MCAM: variants seen among roughly 807,000 people sequenced by gnomAD.
The protein encoded by MCAM is cell surface glycoprotein MUC18.
MCAM carries 55 observed loss-of-function variants against 79.1 expected under a neutral mutation model. The observed-to-expected ratio is 0.70, with a 90% CI of 0.56 to 0.87. The LOEUF is 0.87. Ranked by LOEUF, MCAM falls within the 40% of genes least tolerant of loss-of-function variation. The probability of loss-of-function intolerance (pLI) is 0.00; values close to 1 mark genes in which losing one functional copy is unlikely to be tolerated. For synonymous variants in MCAM, 330 were observed against 339.8 expected (o/e 0.97, Z 0.32); for missense variants, 745 against 839.8 (o/e 0.89, Z 1.40).
rs749525108 is a variant in MCAM, at chr11:119,311,618, A to G, written c.1319T>C (p.Val440Ala). 1.9e-6 allele frequency: 3 copies of G among 1,613,950 alleles called. No homozygotes were observed. The highest frequency in any genetic ancestry group is 2.5e-6 in the Non-Finnish European group (3 of 1,179,974). Residue 440 changes from valine (V) to alanine (A), a missense_variant, in exon 11 of 16, where the codon GTG (valine) becomes GCG (alanine). Val to Ala is a moderately conservative substitution (Grantham distance 64). Coordinates refer to ENST00000264036, the MANE Select transcript of MCAM (RefSeq NM_006500.3). This position sits in a 1 kb window ranked among gnomAD's most constrained non-coding sequence, Gnocchi z 4.4. ...PPWMAFKERKVWVKENMVLNL... is the reference protein window; with the variant it reads ...PPWMAFKERKAWVKENMVLNL... ...CAACACCATATTCTCTTTCACCCAC[A>G]CCTTCCTCTCCTTGAATGCCATCCA...
At chr11:119,313,395 A>AT in intron 5 of MCAM, 2 of 1,089,116 alleles carry the variant, frequency 1.8e-6, no homozygotes, top group Non-Finnish European at 2.3e-6. Flanking sequence ...CACTACTGAT[A>AT]ATTTTTTTTT....
In MCAM at chr11:119,312,384, G is replaced by T; in HGVS notation, c.906C>A (p.Asn302Lys). ...GGGCAGGCTCCAGCACCAGGACCCC[G>T]TTGTCGTTGGTTGTCTCTTCCTCTG... ...REAEEETTND[N>K]GVLVLEPARK... Residue 302 changes from asparagine to lysine, a missense_variant, in exon 8 of 16, where the codon AAC becomes AAA. Transcript: ENST00000264036. This position sits in a 1 kb window ranked among gnomAD's most constrained non-coding sequence, Gnocchi z 4.9. 6.2e-7 allele frequency: 1 copy of T among 1,614,058 alleles called. No homozygotes were observed. Among genetic ancestry groups the T allele is most frequent in the Non-Finnish European group, 8.5e-7 (1 of 1,179,986 alleles).
chr11:119,310,085 T>C (rs1439663866), intron 15 of MCAM, 170 bp from the exon 16 acceptor site: 7 of 659,014 alleles, frequency 1.1e-5, no homozygotes, highest in South Asian at 3.5e-5. Context: ...GGCCCCCGTC[T>C]GACTGCACTG....
At position 119,308,967 on chromosome 11, in the gene MCAM, G is replaced by GT. The variant is rs1491551179; in HGVS notation, c.*918dup. On this transcript the variant is annotated 3_prime_UTR_variant, in exon 16 of 16. Transcript: ENST00000264036. ...CGCCCAGCTTCCTCACCGCAGGCAC[G>GT]TATCTTTTCTTTTTTTTTCCTCGAG... The GT allele has an allele frequency of 1.3e-5, 2 of 152,034 alleles. No homozygotes were observed. Among genetic ancestry groups the GT allele is most frequent in the Non-Finnish European group, 2.9e-5 (2 of 68,022 alleles). 9.4% of individuals were successfully genotyped at this position (152,034 alleles called of 1,614,324 possible).
In MCAM at chr11:119,313,016, C is replaced by T. The variant is rs749668399; in HGVS notation, c.560-67G>A. The T allele has an allele frequency of 1.9e-6, 3 of 1,608,122 alleles. No individual in the cohort carries two copies. In the East Asian group the frequency reaches 6.7e-5, roughly 36 times the overall value. ...ACCTCCAGCCCCACCCTAGGGTTGT[C>T]CACTGGGGTTGGCAGGGGACCATCT... On this transcript the variant is annotated intron_variant, in intron 5 of 15. Transcript: ENST00000264036.
intron 5 of MCAM, 196 bp from the exon 6 acceptor site, chr11:119,313,145 C>T (rs1171345511): frequency 6.6e-7 from 1 of 1,525,788 alleles, no homozygotes; most frequent in Non-Finnish European, 8.8e-7. Context: ...AAAACATTTT[C>T]ATGTCTGCTC....
chr11:119,310,828 A>C lies in MCAM; in HGVS notation c.1721T>G (p.Val574Gly), dbSNP rs1008074269. Reference sequence around the variant, plus strand: ...GAGGAAATAGAGGACAGCGCCCAGCACCGCCAGGACCAGGATGCACACAAT... The same window carrying C: ...GAGGAAATAGAGGACAGCGCCCAGCCCCGCCAGGACCAGGATGCACACAAT... ...AVIVCILVLAVLGAVLYFLYK... is the reference protein window; with the variant it reads ...AVIVCILVLAGLGAVLYFLYK... The change falls in exon 14 of 16, where the codon GTG becomes GGG. Residue 574 changes from valine (V) to glycine (G), a missense_variant. Coordinates refer to ENST00000264036, the MANE Select transcript of MCAM (RefSeq NM_006500.3). 3.7e-5 allele frequency: 59 copies of C among 1,614,040 alleles called. No individual in the cohort carries two copies. Among genetic ancestry groups the C allele is most frequent in the South Asian group, 5.5e-5 (5 of 91,082 alleles).
In MCAM at chr11:119,315,375, G is replaced by A. The variant is rs1221479625; in HGVS notation, c.68-112C>T. ...TCCTGCCACTCAGAGGGTCTGCAGA[G>A]GGCCCTGTCCTCTGAACGCTCTACC... is the stretch of plus-strand genomic sequence containing the variant. On this transcript the variant is annotated intron_variant, in intron 1 of 15. Transcript: ENST00000264036. This position sits in a 1 kb window ranked among gnomAD's most constrained non-coding sequence, Gnocchi z 4.4. 2 of 1,384,594 alleles carry A rather than the reference G, an allele frequency of 1.4e-6. No individual in the cohort carries two copies. The highest frequency in any genetic ancestry group is 2.5e-5 in the East Asian group (1 of 40,004). The allele number at this position is 1,384,594 out of a possible 1,614,324, so 85.8% of individuals were successfully genotyped here.
In MCAM at chr11:119,309,790, C is replaced by G. The variant is rs1376552586; in HGVS notation, c.*96G>C. On this transcript the variant is annotated 3_prime_UTR_variant, in exon 16 of 16. Coordinates refer to ENST00000264036, the MANE Select transcript of MCAM (RefSeq NM_006500.3). Reference sequence around the variant, plus strand: ...GTGTGCAGGCGAGGGGAGCAGGAGGCTTCTCTCTAGTCCCTTTGGAGGCTT... The same window carrying G: ...GTGTGCAGGCGAGGGGAGCAGGAGGGTTCTCTCTAGTCCCTTTGGAGGCTT... 7.7e-7 allele frequency: 1 copy of G among 1,295,838 alleles called. No individual in the cohort carries two copies. The highest frequency in any genetic ancestry group is 1.5e-5 in the African/African-American group (1 of 67,970). 80.3% of individuals were successfully genotyped at this position (1,295,838 alleles called of 1,614,324 possible).
chr11:119,313,047 G>C, intron 5 of MCAM, 98 bp from the exon 6 acceptor site: 5 of 1,583,124 alleles, frequency 3.2e-6, no homozygotes, highest in Non-Finnish European at 4.3e-6. Context: ...CATCTAAATA[G>C]CCCCCTGTCC....
At position 119,311,670 on chromosome 11, in the gene MCAM, G is replaced by A; in HGVS notation, c.1286-19C>T. On this transcript the variant is annotated intron_variant, in intron 10 of 15. Transcript: ENST00000264036. This position sits in a 1 kb window ranked among gnomAD's most constrained non-coding sequence, Gnocchi z 4.4. ...GGGGGGCCTTGGGGAGGTAGGGAGA[G>A]GTGAGGTGGCAAGCCCAGCTAGCCT... is the stretch of plus-strand genomic sequence containing the variant. 1.2e-6 allele frequency: 2 copies of A among 1,613,716 alleles called. No individual in the cohort carries two copies. Among genetic ancestry groups the A allele is most frequent in the Non-Finnish European group, 1.7e-6 (2 of 1,179,774 alleles).
rs773872862 is a variant in MCAM at position 119,310,358 on chromosome 11, C to T, written c.1902G>A (p.Pro634=). The part of the protein sequence containing the change: ...LQGSSGDKRA[P]GDQGEKYIDL... ...AGGAACCGCCTCCTACCTGGTCTCC[C>T]GGAGCCCTCTTGTCACCGCTGCTGC... is the stretch of plus-strand genomic sequence containing the variant. The change falls in exon 15 of 16, where the codon CCG becomes CCA. Residue 634 remains proline (P), a synonymous_variant. Transcript: ENST00000264036. 2.7e-5 allele frequency: 43 copies of T among 1,612,098 alleles called. No individual in the cohort carries two copies. The highest frequency in any genetic ancestry group is 1.3e-4 in the East Asian group (6 of 44,878).
chr11:119,315,380 C>A lies in MCAM; in HGVS notation c.68-117G>T. The A allele has an allele frequency of 7.5e-7, 1 of 1,332,492 alleles. No individual in the cohort carries two copies. Among genetic ancestry groups the A allele is most frequent in the Non-Finnish European group, 1.0e-6 (1 of 983,356 alleles). The allele number at this position is 1,332,492 out of a possible 1,614,324, so 82.5% of individuals were successfully genotyped here. A position where few individuals can be genotyped will look rare whatever the true frequency, so the allele number is the denominator to read the frequency against. ...CCACTCAGAGGGTCTGCAGAGGGCC[C>A]TGTCCTCTGAACGCTCTACCCCCAC... is the stretch of plus-strand genomic sequence containing the variant. On this transcript the variant is annotated intron_variant, in intron 1 of 15. Transcript: ENST00000264036. The surrounding 1 kb of genome is among the most constrained non-coding windows in gnomAD (Gnocchi z 4.4).
Position 119,315,234 on chromosome 11 carries a change from G to A in MCAM, c.97C>T (p.Pro33Ser), listed in dbSNP as rs753665014. 3 of 1,611,890 alleles carry A rather than the reference G, an allele frequency of 1.9e-6. No homozygotes were observed. The highest frequency in any genetic ancestry group is 2.5e-6 in the Non-Finnish European group (3 of 1,179,906). Residue 33 changes from proline (P) to serine (S), a missense_variant, in exon 2 of 16, where the codon CCT becomes TCT. By Grantham distance (74) the Pro-to-Ser change is moderately conservative. Coordinates refer to ENST00000264036, the MANE Select transcript of MCAM (RefSeq NM_006500.3). The surrounding 1 kb of genome is among the most constrained non-coding windows in gnomAD (Gnocchi z 4.4). ...GVPGEAEQPA[P>S]ELVEVEVGST... ...CCCACTTCCACCTCCACCAGCTCAG[G>A]CGCAGGCTGCTCAGCCTCTCCGGGC...
chr11:119,311,232 C>T lies in MCAM; in HGVS notation c.1550-47G>A, dbSNP rs147649089. On this transcript the variant is annotated intron_variant, in intron 12 of 15. Transcript: ENST00000264036. The surrounding 1 kb of genome is among the most constrained non-coding windows in gnomAD (Gnocchi z 4.4). ...GTTAGGAGAAGCGCAAGTTACTGCC[C>T]GTGCCTGGGCCTGCCCCTGCCATCC... 3.3e-5 allele frequency: 53 copies of T among 1,612,754 alleles called. No individual in the cohort carries two copies. The highest frequency in any genetic ancestry group is 7.7e-5 in the South Asian group (7 of 91,056).
chr11:119,310,378 T>C lies in MCAM; in HGVS notation c.1882A>G (p.Ser628Gly). 1 of 1,613,992 alleles carries C rather than the reference T, an allele frequency of 6.2e-7. No homozygotes were observed. The highest frequency in any genetic ancestry group is 1.1e-5 in the South Asian group (1 of 91,092). Reference protein sequence around the residue: ...PEEMGLLQGSSGDKRAPGDQG... With the variant: ...PEEMGLLQGSGGDKRAPGDQG... ...TCTCCCGGAGCCCTCTTGTCACCGC[T>C]GCTGCCCTGCAGGAGGCCCATCTCT... is the stretch of plus-strand genomic sequence containing the variant. Residue 628 changes from serine to glycine, a missense_variant, in exon 15 of 16, where the codon AGC becomes GGC. Physicochemically the swap from Ser to Gly is moderately conservative, Grantham distance 56. Transcript: ENST00000264036.
At chr11:119,313,362 C>G in intron 5 of MCAM, 1 of 1,255,478 alleles carries the variant, frequency 8.0e-7, no homozygotes, top group South Asian at 1.3e-5. Context: ...CCATACACCA[C>G]CACTTAGACC....
chr11:119,310,643 C>T, intron 14 of MCAM, 113 bp downstream of exon 14: 1 of 1,243,958 alleles, frequency 8.0e-7, no homozygotes, highest in Non-Finnish European at 1.1e-6. Context: ...GTGGAGCAGG[C>T]AGCACCCTGA....
At chr11:119,313,108 C>T in intron 5 of MCAM, 159 bp from the exon 6 acceptor site, 4 of 1,536,746 alleles carry the variant, frequency 2.6e-6, no homozygotes, top group Non-Finnish European at 3.5e-6. Context: ...CAACCCAGCA[C>T]TTTTACTGCT....
Sources: allele counts gnomAD v4.1 joint callset, GRCh38; gene constraint gnomAD v4.1.1; non-coding constraint Gnocchi (gnomAD v3.1); transcripts MANE v1.5; gene names NCBI Gene and HGNC (gene_info 2026-07-23, HGNC 2026-07-21).